PPAT: variants seen among roughly 807,000 people sequenced by gnomAD.
PPAT encodes the protein amidophosphoribosyltransferase.
A neutral mutation model predicts 60.2 loss-of-function variants in PPAT; 20 were observed. The observed-to-expected ratio is 0.33, with a 90% CI of 0.23 to 0.48. The LOEUF (loss-of-function observed/expected upper bound fraction) is 0.48, where lower values mean the gene tolerates loss of function less well. PPAT is among the 20% of genes least tolerant of loss of function. The probability of loss-of-function intolerance (pLI) is 0.99; values close to 1 mark genes in which losing one functional copy is unlikely to be tolerated. For missense variants in PPAT, 349 were observed against 629.6 expected (o/e 0.55, Z 4.77); for synonymous variants, 194 against 215.1 (o/e 0.90, Z 0.86).
chr4:56,408,697 T>G (rs1293179318), intron 1 of PPAT, among the ~76,000 whole-genome samples: 1 of 145,338 alleles, frequency 6.9e-6, no homozygotes, highest in Non-Finnish European at 1.5e-5. Flanking sequence ...GAGCTTGCAG[T>G]GAGCTGAGAT....
At chr4:56,416,280 G>C (rs557570583) in intron 1 of PPAT, 40 of 167,450 alleles carry the variant, frequency 2.4e-4, no homozygotes, top group African/African-American at 9.6e-4. Flanking sequence ...TCAAGAATAT[G>C]ACCACATTTA....
chr4:56,425,335 A>T, intron 1 of PPAT: 1 of 320,614 alleles, frequency 3.1e-6, no homozygotes, highest in Non-Finnish European at 4.5e-6. Context: ...TAGTCATATG[A>T]AACACAATAC....
At chr4:56,412,739 T>C (rs577308537) in intron 1 of PPAT, among the ~76,000 whole-genome samples, 9 of 152,354 alleles carry the variant, frequency 5.9e-5, no homozygotes, top group African/African-American at 2.2e-4. Flanking sequence ...ATTTTCTCTC[T>C]GCTCTATTCT....
chr4:56,416,069 C>CA (rs34117895), intron 1 of PPAT, among the ~76,000 whole-genome samples: 12,075 of 139,332 alleles, frequency 0.087, 664 homozygotes, highest in Middle Eastern at 0.2. Flanking sequence ...GACTCTGTCT[C>CA]AAAAAAAAAA....
At chr4:56,429,868 T>A (rs1717492493) in intron 1 of PPAT, among the ~76,000 whole-genome samples, 1 of 152,244 alleles carries the variant, frequency 6.6e-6, no homozygotes, top group Admixed American at 6.5e-5. Flanking sequence ...CTATATGTAC[T>A]TTTCTTTCAT....
chr4:56,433,754 G>C (rs1717736146), intron 1 of PPAT, among the ~76,000 whole-genome samples: 1 of 151,810 alleles, frequency 6.6e-6, no homozygotes, highest in Non-Finnish European at 1.5e-5. Context: ...GAGTGCAGTG[G>C]CGTGATCTCT....
intron 1 of PPAT, among the ~76,000 whole-genome samples, chr4:56,414,706 G>A (rs1417326134): frequency 1.3e-5 from 2 of 152,106 alleles, no homozygotes; most frequent in East Asian, 1.9e-4. Context: ...TTCTATGGAC[G>A]TAAATCTGGA....
chr4:56,435,144 G>A lies in PPAT; in HGVS notation c.128+206C>T, dbSNP rs79838544. Among the ~76,000 whole-genome samples, 757 of 152,316 alleles carry A rather than the reference G, an allele frequency of 5.0e-3. 9 individuals carry two copies. The highest frequency in any genetic ancestry group is 0.017 in the African/African-American group (704 of 41,572). On this transcript the variant is annotated intron_variant, in intron 1 of 10. Coordinates refer to ENST00000264220, the MANE Select transcript of PPAT (RefSeq NM_002703.5). ...CCTAAAAGGCATAAGTGGCTGGGAG[G>A]GTGGGCAGGACAGGCTAAAGTTCAT... is the stretch of plus-strand genomic sequence containing the variant.
Position 56,396,788 on chromosome 4 carries a change from C to T in PPAT, c.1237-49G>A, listed in dbSNP as rs187837106. ...AAGGTTTTTAAGACTATGCAAAATT[C>T]TTTCATTGTGCAAATACAATACAAA... On this transcript the variant is annotated intron_variant, in intron 9 of 10. Coordinates refer to ENST00000264220, the MANE Select transcript of PPAT (RefSeq NM_002703.5). The surrounding 1 kb of genome is among the most constrained non-coding windows in gnomAD (Gnocchi z 4.6). 7.8e-5 allele frequency: 122 copies of T among 1,563,862 alleles called. 1 individual carries two copies. In the Middle Eastern group the frequency reaches 8.6e-4, roughly 11 times the overall value.
chr4:56,396,866 T>C lies in PPAT; in HGVS notation c.1237-127A>G. On this transcript the variant is annotated intron_variant, in intron 9 of 10. Coordinates refer to ENST00000264220, the MANE Select transcript of PPAT (RefSeq NM_002703.5). The surrounding 1 kb of genome is among the most constrained non-coding windows in gnomAD (Gnocchi z 4.6). ...CATATGGGTAATAAATTATTCTTTC[T>C]ACAAAGCTGCTTCTTGGTTTTTTTT... 1.1e-6 allele frequency: 1 copy of C among 931,706 alleles called. No homozygotes were observed. Among genetic ancestry groups the C allele is most frequent in the Non-Finnish European group, 1.5e-6 (1 of 664,860 alleles). 57.7% of individuals were successfully genotyped at this position (931,706 alleles called of 1,614,324 possible). A position where few individuals can be genotyped will look rare whatever the true frequency, so the allele number is the denominator to read the frequency against.
At chr4:56,402,770 C>T (rs1331097321) in intron 5 of PPAT, among the ~76,000 whole-genome samples, 3 of 136,444 alleles carry the variant, frequency 2.2e-5, no homozygotes, top group Non-Finnish European at 4.6e-5. Flanking sequence ...GAGCTGAGAT[C>T]GCACCACTGC....
chr4:56,432,787 C>CAAAAA (rs5858378), intron 1 of PPAT, among the ~76,000 whole-genome samples: 1 of 82,438 alleles, frequency 1.2e-5, no homozygotes, highest in Non-Finnish European at 2.8e-5. Flanking sequence ...GACTCTGTCT[C>CAAAAA]AAAAAAAAAA....
chr4:56,395,567 A>G lies in PPAT; in HGVS notation c.1358-19T>C, dbSNP rs1267289520. The stretch of plus-strand genomic sequence containing the variant: ...TTTGCTCCTAAAGAAAGAGGGAAAA[A>G]TAAAAATGTAATAAGAATTCCTTTA... On this transcript the variant is annotated intron_variant, in intron 10 of 10. Transcript: ENST00000264220. The G allele has an allele frequency of 1.3e-6, 2 of 1,487,754 alleles. No individual in the cohort carries two copies. Among genetic ancestry groups the G allele is most frequent in the Non-Finnish European group, 1.8e-6 (2 of 1,121,100 alleles). The allele number at this position is 1,487,754 out of a possible 1,614,324, so 92.2% of individuals were successfully genotyped here. A position where few individuals can be genotyped will look rare whatever the true frequency, so the allele number is the denominator to read the frequency against.
Position 56,395,170 on chromosome 4 carries a change from G to A in PPAT, c.*182C>T. On this transcript the variant is annotated 3_prime_UTR_variant, in exon 11 of 11. Coordinates refer to ENST00000264220, the MANE Select transcript of PPAT (RefSeq NM_002703.5). ...CATATTGTTGTATTATATGCAATTG[G>A]AAATGTTCAGTTATCGCACTTTGGT... 1.8e-6 allele frequency: 1 copy of A among 546,456 alleles called. No homozygotes were observed. Among genetic ancestry groups the A allele is most frequent in the South Asian group, 2.7e-5 (1 of 36,520 alleles). The allele number at this position is 546,456 out of a possible 1,614,324, so 33.9% of individuals were successfully genotyped here. A position where few individuals can be genotyped will look rare whatever the true frequency, so the allele number is the denominator to read the frequency against.
chr4:56,407,000 T>C (rs926094738), intron 2 of PPAT, among the ~76,000 whole-genome samples: 1 of 152,240 alleles, frequency 6.6e-6, no homozygotes, highest in Non-Finnish European at 1.5e-5. Flanking sequence ...TTGTGTTTCA[T>C]AAGATACTAT....
chr4:56,416,751 C>G (rs1716771713), intron 1 of PPAT, among the ~76,000 whole-genome samples: 1 of 152,174 alleles, frequency 6.6e-6, no homozygotes, highest in South Asian at 2.1e-4. Context: ...GGAATTAAGA[C>G]AAACAGAATT....
At chr4:56,415,399 T>G (rs371451027) in intron 1 of PPAT, among the ~76,000 whole-genome samples, 1 of 152,242 alleles carries the variant, frequency 6.6e-6, no homozygotes, top group Non-Finnish European at 1.5e-5. Flanking sequence ...CTTTCTAAGA[T>G]GTACTTCATC....
At chr4:56,435,293 G>T in intron 1 of PPAT, 57 bp downstream of exon 1, 1 of 1,605,438 alleles carries the variant, frequency 6.2e-7, no homozygotes. Flanking sequence ...CCGACTGCGG[G>T]AAGCGGCTCC....
intron 3 of PPAT, 55 bp downstream of exon 3, chr4:56,406,440 T>G: frequency 6.5e-7 from 1 of 1,542,312 alleles, no homozygotes; most frequent in Non-Finnish European, 8.9e-7. Context: ...CTTTTATTCA[T>G]TAACCCATCC....
Sources: gnomAD v4.1 joint callset for allele counts (sites outside exome capture counted in the v4.1 genomes callset) on GRCh38, gnomAD v4.1.1 for gene constraint, Gnocchi (gnomAD v3.1) non-coding constraint, MANE v1.5 for transcripts, NCBI Gene and HGNC (gene_info 2026-07-23, HGNC 2026-07-21) for gene names.